Variants in SF3B2 observed in about 807,000 individuals in gnomAD.
SF3B2 encodes the protein splicing factor 3b subunit 2, also known as SAP 145.
A neutral mutation model predicts 116.3 loss-of-function variants in SF3B2; 22 were observed. The observed-to-expected ratio is 0.19, with a 90% CI of 0.14 to 0.27. The LOEUF (loss-of-function observed/expected upper bound fraction) is 0.27. Among genes scored for constraint, SF3B2 ranks in the 10% least tolerant of loss-of-function variants. The pLI is 1.00. For synonymous variants in SF3B2, 406 were observed against 421.6 expected, an observed-to-expected ratio of 0.96 and a Z score of 0.45; for missense variants, 767 against 1,151.4, an observed-to-expected ratio of 0.67 and a Z score of 4.83.
chr11:66,068,461 AT>A (rs1857228356), intron 21 of SF3B2, 128 bp downstream of exon 21: 1 of 1,048,646 alleles, frequency 9.5e-7, no homozygotes, highest in African/African-American at 1.6e-5. Context: ...GCTTCCTTAG[AT>A]TTGGAAGTCT....
intron 5 of SF3B2, 100 bp downstream of exon 5, chr11:66,055,685 T>G (rs1232713695): frequency 9.2e-7 from 1 of 1,089,098 alleles, no homozygotes; most frequent in African/African-American, 1.6e-5. Context: ...TGGAGGCTAC[T>G]TTGTTCTCAA....
In SF3B2 at chr11:66,063,729, G is replaced by A; in HGVS notation, c.2330G>A (p.Gly777Glu). 6.2e-7 allele frequency: 1 copy of A among 1,608,814 alleles called. No homozygotes were observed. The stretch of plus-strand genomic sequence containing the variant: ...AAGAAGATTGAGGAGGCGATGGACG[G>A]GTAAGGGTACCAGACAGGGCTGAGA... ...RKKKIEEAMD[G>E]SETPQLFTVL... The change falls in exon 19 of 22, where the codon GGA becomes GAA. Residue 777 changes from glycine (G) to glutamate (E), a missense_variant and splice_region_variant. By Grantham distance (98) the Gly-to-Glu change is moderately conservative (BLOSUM62 -2). Coordinates refer to ENST00000322535, the MANE Select transcript of SF3B2 (RefSeq NM_006842.3).
intron 6 of SF3B2, 77 bp from the exon 7 acceptor site, chr11:66,057,189 C>T (rs1857012983): frequency 9.9e-7 from 1 of 1,011,058 alleles, no homozygotes. Context: ...TACCATCACC[C>T]TTTCAGCAAG....
chr11:66,052,999 C>A (rs894867663), intron 2 of SF3B2, 28 bp from the exon 3 acceptor site: 1 of 1,610,308 alleles, frequency 6.2e-7, no homozygotes, highest in Non-Finnish European at 8.5e-7. Flanking sequence ...TAGTTTTGGA[C>A]TGACCTAGAG....
At position 66,052,476 on chromosome 11, in the gene SF3B2, A is replaced by G. The variant is rs565470356; in HGVS notation, c.92A>G (p.Glu31Gly). The G allele has an allele frequency of 6.2e-7, 1 of 1,613,722 alleles. No individual in the cohort carries two copies. Among genetic ancestry groups the G allele is most frequent in the Non-Finnish European group, 8.5e-7 (1 of 1,179,864 alleles). The change falls in exon 1 of 22, where the codon GAG (glutamate) becomes GGG (glycine). Residue 31 changes from glutamate to glycine, a missense_variant. Around this residue, in one of 4 missense-constraint regions of SF3B2, gnomAD observed 455 missense variants for 537.5 expected, o/e 0.85. Transcript: ENST00000322535. The part of the protein sequence containing the change: ...PGHYGAWAAQ[E>G]LQAKLAEIGA... ...CACTATGGCGCCTGGGCTGCCCAGGAGCTTCAGGCCAAGTTGGCAGAGATC... is the reference window on the plus strand; with the variant it reads ...CACTATGGCGCCTGGGCTGCCCAGGGGCTTCAGGCCAAGTTGGCAGAGATC...
In SF3B2 at chr11:66,058,274, G is replaced by A. The variant is rs182682462; in HGVS notation, c.875-40G>A. 7 of 1,592,094 alleles carry A rather than the reference G, an allele frequency of 4.4e-6. No homozygotes were observed. In the African/African-American group the frequency reaches 8.0e-5, roughly 18 times the overall value. On this transcript the variant is annotated intron_variant, in intron 8 of 21. Transcript: ENST00000322535. ...GGTTACTGTGAACGAGTGCAGGGCA[G>A]TGGCACCGTGAAGACTCATCACCAC...
At chr11:66,058,031 C>T (rs747879221) in intron 7 of SF3B2, 23 bp from the exon 8 acceptor site, 6 of 1,527,966 alleles carry the variant, frequency 3.9e-6, no homozygotes, top group Middle Eastern at 1.7e-4. Context: ...GATTTGCCTT[C>T]TCTGACTGGG....
Position 66,052,432 on chromosome 11 carries a change from G to T in SF3B2, c.48G>T (p.Pro16=). 6.2e-7 allele frequency: 1 copy of T among 1,613,280 alleles called. No individual in the cohort carries two copies. The highest frequency in any genetic ancestry group is 1.1e-5 in the South Asian group (1 of 91,048). ...PEPPKAELQL[P]PPPPPGHYGA... ...CTCCCAAAGCAGAATTGCAGCTGCCGCCGCCGCCACCTCCAGGCCACTATG... is the reference window on the plus strand; with the variant it reads ...CTCCCAAAGCAGAATTGCAGCTGCCTCCGCCGCCACCTCCAGGCCACTATG... Residue 16 remains proline, a synonymous_variant, in exon 1 of 22, where the codon CCG becomes CCT. Transcript: ENST00000322535.
At position 66,061,631 on chromosome 11, in the gene SF3B2, G is replaced by C. The variant is rs370948543; in HGVS notation, c.1780-55G>C. The C allele has an allele frequency of 1.1e-4, 139 of 1,294,810 alleles. 1 individual carries two copies. The highest frequency in any genetic ancestry group is 1.9e-4 in the Middle Eastern group (1 of 5,400). The allele number at this position is 1,294,810 out of a possible 1,614,324, so 80.2% of individuals were successfully genotyped here. ...TTTATATCTGATGTGCGTTAGGATT[G>C]TGCTCCCACTGAGTGTCTGGGTCTA... On this transcript the variant is annotated intron_variant, in intron 14 of 21. Coordinates refer to ENST00000322535, the MANE Select transcript of SF3B2 (RefSeq NM_006842.3).
chr11:66,052,734 CG>C lies in SF3B2; in HGVS notation c.180+18del, dbSNP rs1565085413. ...ACACCCGCCAGGTAGGTGTTGGCGG[CG>C]GGACGTCAGGATAGGCCGAGCTTCT... On this transcript the variant is annotated intron_variant, in intron 2 of 21. Coordinates refer to ENST00000322535, the MANE Select transcript of SF3B2 (RefSeq NM_006842.3). The C allele has an allele frequency of 1.3e-6, 2 of 1,556,750 alleles. No homozygotes were observed. The highest frequency in any genetic ancestry group is 1.7e-4 in the Middle Eastern group (1 of 5,768).
intron 7 of SF3B2, 40 bp downstream of exon 7, chr11:66,057,415 A>G: frequency 1.0e-6 from 1 of 955,724 alleles, no homozygotes; most frequent in Admixed American, 2.1e-5. Flanking sequence ...AGAGAGTGGT[A>G]GTTTAGGATG....
In SF3B2 at chr11:66,069,075, C is replaced by T. The variant is rs543299684; in HGVS notation, c.*330C>T. On this transcript the variant is annotated 3_prime_UTR_variant, in exon 22 of 22. Coordinates refer to ENST00000322535, the MANE Select transcript of SF3B2 (RefSeq NM_006842.3). Reference sequence around the variant, plus strand: ...CCCCAGGCTGAAATCTGTGTTTCACCACTGCCCTGCTTTGTAGGAAGGCTT... The same window carrying T: ...CCCCAGGCTGAAATCTGTGTTTCACTACTGCCCTGCTTTGTAGGAAGGCTT... The T allele has an allele frequency of 3.6e-5, 14 of 385,420 alleles. No individual in the cohort carries two copies. Among genetic ancestry groups the T allele is most frequent in the African/African-American group, 2.7e-4 (13 of 48,858 alleles). The allele number at this position is 385,420 out of a possible 1,614,324, so 23.9% of individuals were successfully genotyped here.
intron 19 of SF3B2, 84 bp from the exon 20 acceptor site, chr11:66,067,862 A>G: frequency 2.9e-6 from 3 of 1,039,608 alleles, no homozygotes; most frequent in Non-Finnish European, 4.4e-6. Context: ...CGCTGAGTGG[A>G]GGTGCCACCT....
Position 66,069,278 on chromosome 11 carries a change from C to G in SF3B2, c.*533C>G. ...GTTCAAGTCCTTACCTGTGCGACAA[C>G]ATAGCTCAAAAGCTAAATTGTCTTG... On this transcript the variant is annotated 3_prime_UTR_variant, in exon 22 of 22. Coordinates refer to ENST00000322535, the MANE Select transcript of SF3B2 (RefSeq NM_006842.3). 1 of 426,146 alleles carries G rather than the reference C, an allele frequency of 2.3e-6. No individual in the cohort carries two copies. Among genetic ancestry groups the G allele is most frequent in the Non-Finnish European group, 4.9e-6 (1 of 205,662 alleles). 26.4% of individuals were successfully genotyped at this position (426,146 alleles called of 1,614,324 possible). A position where few individuals can be genotyped will look rare whatever the true frequency, so the allele number is the denominator to read the frequency against.
chr11:66,068,423 T>A, intron 21 of SF3B2, 90 bp downstream of exon 21: 1 of 1,326,880 alleles, frequency 7.5e-7, no homozygotes, highest in Non-Finnish European at 1.0e-6. Flanking sequence ...GTGGTGAGAG[T>A]GAGGGTGGCC....
At chr11:66,052,846 G>A (rs774304687) in intron 2 of SF3B2, 127 bp downstream of exon 2, 1 of 1,284,926 alleles carries the variant, frequency 7.8e-7, no homozygotes, top group East Asian at 2.3e-5. Context: ...GCCCTTTTTA[G>A]CTTGTTCTTG....
rs1195898617 is a variant in SF3B2, at chr11:66,052,600, G to A, written c.134-73G>A. 5.7e-6 allele frequency: 9 copies of A among 1,590,582 alleles called. No homozygotes were observed. The East Asian group carries it at 1.6e-4, about 28-fold the overall frequency. On this transcript the variant is annotated intron_variant, in intron 1 of 21. Transcript: ENST00000322535. ...TTACCCGGGAGACTCGGGTGCGAGGGGCGGAGGCAGGCCGCTGGGGCCTGA... is the reference window on the plus strand; with the variant it reads ...TTACCCGGGAGACTCGGGTGCGAGGAGCGGAGGCAGGCCGCTGGGGCCTGA...
Position 66,068,706 on chromosome 11 carries a change from C to A in SF3B2, c.2649C>A (p.Ser883Arg). ...QKKRKAQPQD[S>R]RGGSKKYKEF... ...AACGGAAAGCTCAGCCCCAGGACAG[C>A]CGTGGGGGCAGCAAGAAATATAAGG... The change falls in exon 22 of 22, where the codon AGC (serine) becomes AGA (arginine). Residue 883 changes from serine (S) to arginine (R), a missense_variant. Around this residue, in one of 4 missense-constraint regions of SF3B2, gnomAD observed 27 missense variants for 28.0 expected, o/e 0.96. Transcript: ENST00000322535. 6.2e-7 allele frequency: 1 copy of A among 1,614,120 alleles called. No individual in the cohort carries two copies. Among genetic ancestry groups the A allele is most frequent in the Non-Finnish European group, 8.5e-7 (1 of 1,180,008 alleles).
chr11:66,069,291 C>A lies in SF3B2; in HGVS notation c.*546C>A. The A allele has an allele frequency of 2.3e-6, 1 of 433,866 alleles. No homozygotes were observed. The highest frequency in any genetic ancestry group is 4.8e-6 in the Non-Finnish European group (1 of 209,724). The allele number at this position is 433,866 out of a possible 1,614,324, so 26.9% of individuals were successfully genotyped here. A position where few individuals can be genotyped will look rare whatever the true frequency, so the allele number is the denominator to read the frequency against. ...CCTGTGCGACAACATAGCTCAAAAG[C>A]TAAATTGTCTTGAGTCCATATGAAC... On this transcript the variant is annotated 3_prime_UTR_variant, in exon 22 of 22. Transcript: ENST00000322535.
Sources: gnomAD v4.1 joint callset for allele counts on GRCh38, gnomAD v4.1.1 for gene constraint, gnomAD v4.1.1 regional missense constraint, MANE v1.5 for transcripts, NCBI Gene and HGNC (gene_info 2026-07-23, HGNC 2026-07-21) for gene names.